Variants in BABAM2 observed in about 807,000 individuals in gnomAD.
BABAM2 encodes BRISC and BRCA1-A complex member 2.
A neutral mutation model predicts 54.7 loss-of-function variants in BABAM2; 31 were observed. The ratio of observed to expected loss-of-function variants is 0.57; its 90% confidence interval spans 0.43 to 0.77. The LOEUF is 0.77. Ranked by LOEUF, BABAM2 falls within the 30% of genes least tolerant of loss-of-function variation. The pLI, the probability that BABAM2 is intolerant of heterozygous loss-of-function variation, is 0.00. For missense variants in BABAM2, 364 were observed against 455.8 expected, an observed-to-expected ratio of 0.80 and a Z score of 1.83; for synonymous variants, 167 against 162.9, an observed-to-expected ratio of 1.03 and a Z score of -0.19.
chr2:28,279,278 G>A (rs1476991607), intron 10 of BABAM2, among the ~76,000 whole-genome samples: 3 of 152,154 alleles, frequency 2.0e-5, no homozygotes, highest in East Asian at 3.9e-4. Flanking sequence ...AGTTACCCTT[G>A]GACCTGAGGT....
intron 5 of BABAM2, among the ~76,000 whole-genome samples, chr2:28,042,000 G>A (rs919805948): frequency 2.0e-5 from 3 of 152,112 alleles, no homozygotes; most frequent in Non-Finnish European, 4.4e-5. Context: ...ATTTTGAAGG[G>A]AGAGTCCAAA....
chr2:27,890,223 G>C (rs778821130), upstream of BABAM2: 2 of 1,602,296 alleles, frequency 1.2e-6, no homozygotes, highest in Non-Finnish European at 1.7e-6. This position sits in a 1 kb window ranked among gnomAD's most constrained non-coding sequence, Gnocchi z 4.8. Flanking sequence ...CTCCTCCCCC[G>C]AGCCGCAGAC....
chr2:27,908,795 T>C (rs889440219), intron 2 of BABAM2, among the ~76,000 whole-genome samples: 4 of 152,210 alleles, frequency 2.6e-5, no homozygotes, highest in Non-Finnish European at 2.9e-5. Context: ...TTCCTTCTTT[T>C]TTTATGGCTG....
chr2:28,043,786 C>T (rs1362026189), intron 5 of BABAM2, among the ~76,000 whole-genome samples: 1 of 152,206 alleles, frequency 6.6e-6, no homozygotes, highest in Non-Finnish European at 1.5e-5. Context: ...AATAGGATCT[C>T]ACAAACCTTC....
chr2:28,269,947 A>G (rs1225525035), intron 10 of BABAM2, among the ~76,000 whole-genome samples: 1 of 152,096 alleles, frequency 6.6e-6, no homozygotes, highest in Non-Finnish European at 1.5e-5. Flanking sequence ...TATTAGGAAA[A>G]TGCTGGAAGG....
rs138166120 is a variant in BABAM2, at chr2:28,163,209, C to A, written c.680+33829C>A. Among the ~76,000 whole-genome samples, 563 of 152,264 alleles carry A rather than the reference C, an allele frequency of 3.7e-3. 6 individuals carry two copies. The highest frequency in any genetic ancestry group is 3.4e-3 in the Middle Eastern group (1 of 294). ...TCCCAGCCGGCAGCCACCCTGCTTC[C>A]CCCATGACCTTCTTCTGAGTGTGAA... On this transcript the variant is annotated intron_variant, in intron 7 of 11. Coordinates refer to ENST00000379624, the MANE Select transcript of BABAM2 (RefSeq NM_199191.3).
intron 5 of BABAM2, among the ~76,000 whole-genome samples, chr2:28,032,407 A>G (rs1369906250): frequency 6.6e-6 from 1 of 152,132 alleles, no homozygotes; most frequent in Non-Finnish European, 1.5e-5. Flanking sequence ...TTTGAAATAC[A>G]CTATTCTCCC....
chr2:28,016,574 T>TTC lies in BABAM2; in HGVS notation c.301-8651_301-8650insCT, dbSNP rs1674838044. 5.4e-6 allele frequency: 3 copies of TTC among 558,308 alleles called. No homozygotes were observed. The African/African-American group carries it at 5.7e-5, about 11-fold the overall frequency. 34.6% of individuals were successfully genotyped at this position (558,308 alleles called of 1,614,324 possible). A position where few individuals can be genotyped will look rare whatever the true frequency, so the allele number is the denominator to read the frequency against. The stretch of plus-strand genomic sequence containing the variant: ...CCGCCGCAGGTGCATTTCTTTCTAA[T>TTC]TAACTTCTGTACATCCCAGAATCCA... On this transcript the variant is annotated intron_variant, in intron 4 of 11. Transcript: ENST00000379624.
chr2:27,903,250 T>C (rs552410304), intron 2 of BABAM2, among the ~76,000 whole-genome samples: 1 of 152,322 alleles, frequency 6.6e-6, no homozygotes, highest in Admixed American at 6.5e-5. Flanking sequence ...TTCCATACTT[T>C]CTTAACTATT....
At chr2:28,120,208 A>G (rs1668953233) in intron 6 of BABAM2, among the ~76,000 whole-genome samples, 1 of 152,196 alleles carries the variant, frequency 6.6e-6, no homozygotes, top group Non-Finnish European at 1.5e-5. Flanking sequence ...ACCTATTTTG[A>G]ATATCTACTG....
At chr2:28,082,190 T>C (rs1238356939) in intron 6 of BABAM2, among the ~76,000 whole-genome samples, 2 of 152,240 alleles carry the variant, frequency 1.3e-5, no homozygotes, top group Non-Finnish European at 2.9e-5. Flanking sequence ...CAATTCTTTT[T>C]CAGCGTGATA....
intron 7 of BABAM2, among the ~76,000 whole-genome samples, chr2:28,186,575 C>T (rs1273492392): frequency 3.3e-5 from 5 of 151,044 alleles, no homozygotes; most frequent in South Asian, 2.1e-4. Flanking sequence ...GGCAACAAAG[C>T]GAGACCCTGT....
At chr2:28,164,951 G>A (rs887248192) in intron 7 of BABAM2, among the ~76,000 whole-genome samples, 1 of 152,130 alleles carries the variant, frequency 6.6e-6, no homozygotes, top group Admixed American at 6.5e-5. Flanking sequence ...CCATACCACT[G>A]TACTAGGTAT....
intron 7 of BABAM2, among the ~76,000 whole-genome samples, chr2:28,232,349 T>TG (rs1681488770): frequency 6.6e-6 from 1 of 152,190 alleles, no homozygotes; most frequent in Admixed American, 6.5e-5. Context: ...AAGCCAAGCT[T>TG]TCAGACAGGC....
intron 3 of BABAM2, among the ~76,000 whole-genome samples, chr2:27,931,091 A>G (rs1362510563): frequency 1.3e-5 from 2 of 152,228 alleles, no homozygotes; most frequent in Non-Finnish European, 2.9e-5. Flanking sequence ...TATCAAATGC[A>G]AGATTAAATG....
intron 10 of BABAM2, among the ~76,000 whole-genome samples, chr2:28,250,034 A>C (rs1683296359): frequency 6.6e-6 from 1 of 152,240 alleles, no homozygotes; most frequent in Non-Finnish European, 1.5e-5. Context: ...TGATGGAACA[A>C]AGTAAAAGGC....
At chr2:28,169,096 C>T (rs1674038541) in intron 7 of BABAM2, among the ~76,000 whole-genome samples, 1 of 152,124 alleles carries the variant, frequency 6.6e-6, no homozygotes, top group Non-Finnish European at 1.5e-5. Flanking sequence ...AAAACTTTAC[C>T]TCCAAACTCC....
At chr2:28,019,863 T>A (rs1157364073) in intron 4 of BABAM2, among the ~76,000 whole-genome samples, 2 of 152,222 alleles carry the variant, frequency 1.3e-5, no homozygotes, top group African/African-American at 4.8e-5. Flanking sequence ...GTGCCTATTT[T>A]TATACCAGTA....
intron 6 of BABAM2, among the ~76,000 whole-genome samples, chr2:28,123,371 A>G (rs1669240076): frequency 6.6e-6 from 1 of 152,196 alleles, no homozygotes; most frequent in East Asian, 1.9e-4. Flanking sequence ...GGTGGGGGAC[A>G]ATAGTCTTCT....
Sources: gnomAD v4.1 joint callset for allele counts (sites outside exome capture counted in the v4.1 genomes callset) on GRCh38, gnomAD v4.1.1 for gene constraint, Gnocchi (gnomAD v3.1) non-coding constraint, MANE v1.5 for transcripts, NCBI Gene and HGNC (gene_info 2026-07-23, HGNC 2026-07-21) for gene names.